SMCO4: variants seen among roughly 807,000 people sequenced by gnomAD.
SMCO4 encodes single-pass membrane protein with coiled-coil domains 4.
Under a neutral mutation model 3.6 loss-of-function variants are expected in SMCO4, and 4 were observed. That is an observed-to-expected ratio of 1.11 (90% CI 0.54 to 2.53). SMCO4 has a LOEUF of 2.53. Among genes scored for constraint, SMCO4 ranks in the 30% most tolerant of loss-of-function variants. The pLI, the probability that SMCO4 is intolerant of heterozygous loss-of-function variation, is 0.02. For synonymous variants in SMCO4, 36 were observed against 35.3 expected (o/e 1.02, Z -0.07); for missense variants, 70 against 80.8 (o/e 0.87, Z 0.51).
intron 2 of SMCO4, among the ~76,000 whole-genome samples, chr11:93,491,100 T>G (rs1208110328): frequency 6.6e-6 from 1 of 152,256 alleles, no homozygotes; most frequent in African/African-American, 2.4e-5. Context: ...TCGACTTCAT[T>G]TGCTATTCAA....
At chr11:93,506,126 C>T (rs540313067) in intron 1 of SMCO4, among the ~76,000 whole-genome samples, 2 of 152,048 alleles carry the variant, frequency 1.3e-5, no homozygotes, top group African/African-American at 4.8e-5. Context: ...CACACACACA[C>T]GGGGAGGGAG....
chr11:93,496,194 G>GTTTC (rs1436183213), intron 2 of SMCO4, among the ~76,000 whole-genome samples: 2 of 152,236 alleles, frequency 1.3e-5, no homozygotes, highest in Non-Finnish European at 2.9e-5. Flanking sequence ...AGGCAGGGCA[G>GTTTC]TCAGTTAAGA....
upstream of SMCO4, among the ~76,000 whole-genome samples, chr11:93,543,727 G>C (rs545103523): frequency 2.6e-4 from 39 of 152,372 alleles, no homozygotes; most frequent in Admixed American, 1.8e-3. Flanking sequence ...GGGATAGTTG[G>C]AGGCAAACGC....
chr11:93,536,013 T>G (rs1159166737), intron 1 of SMCO4, among the ~76,000 whole-genome samples: 1 of 152,174 alleles, frequency 6.6e-6, no homozygotes, highest in African/African-American at 2.4e-5. Context: ...TTTGGCTAAT[T>G]GGTCTGTGCT....
chr11:93,531,813 C>G (rs575954974), intron 1 of SMCO4, among the ~76,000 whole-genome samples: 1 of 152,318 alleles, frequency 6.6e-6, no homozygotes, highest in East Asian at 1.9e-4. Flanking sequence ...AACCTGCCTC[C>G]CTTTCTTTTC....
upstream of SMCO4, among the ~76,000 whole-genome samples, chr11:93,543,980 C>T (rs1257762999): frequency 6.6e-6 from 1 of 152,166 alleles, no homozygotes; most frequent in African/African-American, 2.4e-5. Context: ...AAATGAGATT[C>T]ACAATTCCCC....
At position 93,478,732 on chromosome 11, in the gene SMCO4, C is replaced by T; in HGVS notation, c.*278G>A. 1.7e-6 allele frequency: 1 copy of T among 593,476 alleles called. No homozygotes were observed. The highest frequency in any genetic ancestry group is 2.4e-6 in the Non-Finnish European group (1 of 423,408). 36.8% of individuals were successfully genotyped at this position (593,476 alleles called of 1,614,324 possible). ...AAAGAAGCACACACACACACACACA[C>T]ACACACACACACACACACACATGCG... On this transcript the variant is annotated 3_prime_UTR_variant, in exon 3 of 3. Coordinates refer to ENST00000298966, the MANE Select transcript of SMCO4 (RefSeq NM_020179.3).
the SMCO4 span, among the ~76,000 whole-genome samples, chr11:93,553,231 T>C: frequency 6.6e-6 from 1 of 152,304 alleles, no homozygotes; most frequent in Non-Finnish European, 1.5e-5. Context: ...GGTTCATGGG[T>C]GGGTGTCAGG....
At chr11:93,509,889 T>C in intron 1 of SMCO4, among the ~76,000 whole-genome samples, 1 of 152,136 alleles carries the variant, frequency 6.6e-6, no homozygotes, top group South Asian at 2.1e-4. Flanking sequence ...GCTCAGGTGA[T>C]CAGTGCACCA....
chr11:93,484,118 A>AC (rs1381889150), intron 2 of SMCO4, among the ~76,000 whole-genome samples: 4 of 151,644 alleles, frequency 2.6e-5, no homozygotes, highest in East Asian at 3.9e-4. Context: ...CTATGCTCCT[A>AC]CCCCCCACCA....
intron 1 of SMCO4, among the ~76,000 whole-genome samples, chr11:93,539,780 G>T (rs1297853259): frequency 6.6e-6 from 1 of 151,972 alleles, no homozygotes. Context: ...ATGGAAATTG[G>T]TCCCATATTA....
chr11:93,479,116 T>A lies in SMCO4; in HGVS notation c.74A>T (p.Glu25Val), dbSNP rs1261932859. The A allele has an allele frequency of 6.2e-7, 1 of 1,614,104 alleles. No homozygotes were observed. The change falls in exon 3 of 3, where the codon GAG (glutamate) becomes GTG (valine). Residue 25 changes from glutamate (E) to valine (V), a missense_variant. Physicochemically the swap from Glu to Val is moderately radical, Grantham distance 121. Coordinates refer to ENST00000298966, the MANE Select transcript of SMCO4 (RefSeq NM_020179.3). ...CACTGTAGTGATCTGCTGCCGGGCC[T>A]CCTGCATGGCTTGCTTCCGCTCCTT... ...DKKERKQAMQ[E>V]ARQQITTVVL...
At chr11:93,536,055 A>G (rs1949222056) in intron 1 of SMCO4, among the ~76,000 whole-genome samples, 2 of 152,168 alleles carry the variant, frequency 1.3e-5, no homozygotes, top group Non-Finnish European at 2.9e-5. Flanking sequence ...TTATAGATAA[A>G]AAGTCTCCGT....
intron 1 of SMCO4, among the ~76,000 whole-genome samples, chr11:93,523,765 A>G (rs1287030071): frequency 6.6e-6 from 1 of 152,226 alleles, no homozygotes; most frequent in Non-Finnish European, 1.5e-5. Flanking sequence ...CAATATGTAA[A>G]TTTAAAATAC....
chr11:93,530,635 C>T (rs1949153417), intron 1 of SMCO4, among the ~76,000 whole-genome samples: 1 of 152,186 alleles, frequency 6.6e-6, no homozygotes, highest in Non-Finnish European at 1.5e-5. Flanking sequence ...TCTTGATCCT[C>T]ATCCTCTTCT....
rs545264182 is a variant in SMCO4, at chr11:93,478,701, A to C, written c.*309T>G. 2.8e-5 allele frequency: 12 copies of C among 426,554 alleles called. No homozygotes were observed. In the South Asian group the frequency reaches 9.4e-4, roughly 33 times the overall value. The allele number at this position is 426,554 out of a possible 1,614,324, so 26.4% of individuals were successfully genotyped here. ...GTGGAGCTACTTATCGATTTTTAGG[A>C]GAGAAAAAGAAGCACACACACACAC... On this transcript the variant is annotated 3_prime_UTR_variant, in exon 3 of 3. Coordinates refer to ENST00000298966, the MANE Select transcript of SMCO4 (RefSeq NM_020179.3).
intron 1 of SMCO4, among the ~76,000 whole-genome samples, chr11:93,501,332 G>A (rs918035559): frequency 2.6e-5 from 4 of 152,242 alleles, no homozygotes; most frequent in Admixed American, 6.5e-5. Flanking sequence ...TCCTGAGGCT[G>A]CCATAATTAT....
chr11:93,545,985 C>T (rs1949313050), upstream of SMCO4, among the ~76,000 whole-genome samples: 2 of 152,260 alleles, frequency 1.3e-5, no homozygotes, highest in Admixed American at 6.5e-5. Flanking sequence ...CACCAGCTCT[C>T]AGCCACATGA....
chr11:93,479,911 C>T (rs938573334), intron 2 of SMCO4, among the ~76,000 whole-genome samples: 3 of 152,112 alleles, frequency 2.0e-5, no homozygotes, highest in African/African-American at 7.2e-5. Context: ...GTCTAGGGGG[C>T]ATGATGGAGA....
Sources: gnomAD v4.1 joint callset for allele counts (sites outside exome capture counted in the v4.1 genomes callset) on GRCh38, gnomAD v4.1.1 for gene constraint, MANE v1.5 for transcripts, NCBI Gene and HGNC (gene_info 2026-07-23, HGNC 2026-07-21) for gene names.